Variants in ARHGAP20 observed in about 807,000 individuals in gnomAD.
ARHGAP20 encodes Rho GTPase activating protein 20.
A neutral mutation model predicts 73.7 loss-of-function variants in ARHGAP20; 34 were observed. That is an observed-to-expected ratio of 0.46 (90% confidence interval 0.35 to 0.61). The LOEUF is 0.61. Ranked by LOEUF, ARHGAP20 falls within the 20% of genes least tolerant of loss-of-function variation. The pLI, the probability that ARHGAP20 is intolerant of heterozygous loss-of-function variation, is 0.00. For synonymous variants in ARHGAP20, 523 were observed against 518.2 expected, an observed-to-expected ratio of 1.01 and a Z score of -0.13; for missense variants, 1,314 against 1,420.9, an observed-to-expected ratio of 0.92 and a Z score of 1.21.
At chr11:110,693,242 A>C (rs761151094) in intron 1 of ARHGAP20, among the ~76,000 whole-genome samples, 2 of 151,910 alleles carry the variant, frequency 1.3e-5, no homozygotes, top group Non-Finnish European at 2.9e-5. Context: ...AAGAGAATGC[A>C]ATCAAACTAC....
intron 1 of ARHGAP20, among the ~76,000 whole-genome samples, chr11:110,695,561 A>C (rs1160416197): frequency 1.3e-5 from 2 of 151,828 alleles, no homozygotes; most frequent in East Asian, 3.9e-4. Context: ...ACGAATTGCC[A>C]ATAAGGATAT....
At chr11:110,629,864 T>C (rs1299438971) in intron 3 of ARHGAP20, among the ~76,000 whole-genome samples, 1 of 152,204 alleles carries the variant, frequency 6.6e-6, no homozygotes. Context: ...AGGGCTCTCG[T>C]GAAGGCTTGT....
chr11:110,630,860 T>G (rs747685644), intron 2 of ARHGAP20, 68 bp from the exon 3 acceptor site: 11 of 1,523,598 alleles, frequency 7.2e-6, no homozygotes, highest in Middle Eastern at 1.7e-4. Context: ...ACTACAAAAT[T>G]CTGTAATTTT....
intron 7 of ARHGAP20, among the ~76,000 whole-genome samples, chr11:110,610,889 A>G (rs1434594311): frequency 6.6e-6 from 1 of 152,120 alleles, no homozygotes; most frequent in Admixed American, 6.5e-5. Flanking sequence ...AATTCTTCAG[A>G]ATTCATCATC....
intron 2 of ARHGAP20, among the ~76,000 whole-genome samples, chr11:110,647,496 T>G (rs988891857): frequency 6.6e-6 from 1 of 152,232 alleles, no homozygotes; most frequent in Non-Finnish European, 1.5e-5. Context: ...CTGAGCATTA[T>G]GAAGGTCTCC....
chr11:110,637,182 A>C (rs952517204), intron 2 of ARHGAP20, among the ~76,000 whole-genome samples: 6 of 152,126 alleles, frequency 3.9e-5, no homozygotes, highest in Non-Finnish European at 7.4e-5. Flanking sequence ...AAATGAGTCC[A>C]CTTTCAGGTA....
intron 2 of ARHGAP20, among the ~76,000 whole-genome samples, chr11:110,653,447 T>A (rs1034571364): frequency 2.6e-5 from 4 of 152,140 alleles, no homozygotes; most frequent in African/African-American, 9.7e-5. Flanking sequence ...AAGACATTTA[T>A]GTGGCTAACA....
At position 110,648,174 on chromosome 11, in the gene ARHGAP20, T is replaced by TATATATATATATGTAA. The variant is rs1565457268; in HGVS notation, c.189-17383_189-17382insTTACATATATATATAT. 7.4e-4 allele frequency among the ~76,000 whole-genome samples: 40 copies of TATATATATATATGTAA among 53,790 alleles called. 1 individual carries two copies. Among genetic ancestry groups the TATATATATATATGTAA allele is most frequent in the South Asian group, 3.8e-3 (4 of 1,050 alleles). 35.3% of individuals were successfully genotyped at this position (53,790 alleles called of 152,430 possible). The stretch of plus-strand genomic sequence containing the variant: ...TATATAATATATATATATATGTAAA[T>TATATATATATATGTAA]ATATATATATATATGTAAATATATA... On this transcript the variant is annotated intron_variant, in intron 2 of 14. Transcript: ENST00000683387.
Position 110,712,347 on chromosome 11 carries a change from A to C in ARHGAP20, c.-116T>G, listed in dbSNP as rs913124649. 5.7e-5 allele frequency: 47 copies of C among 829,128 alleles called. No individual in the cohort carries two copies. The highest frequency in any genetic ancestry group is 1.8e-5 in the Non-Finnish European group (11 of 613,376). The allele number at this position is 829,128 out of a possible 1,614,324, so 51.4% of individuals were successfully genotyped here. A position where few individuals can be genotyped will look rare whatever the true frequency, so the allele number is the denominator to read the frequency against. The stretch of plus-strand genomic sequence containing the variant: ...GGAGGCGCGGCTGCCGTGCTCAGGC[A>C]GGGAGCCGAGCTCCGGGTGCTCGCC... On this transcript the variant is annotated 5_prime_UTR_variant, in exon 1 of 15. Coordinates refer to ENST00000683387, the MANE Select transcript of ARHGAP20 (RefSeq NM_001384657.1).
At chr11:110,648,223 A>ATATATATATGTAAATATATATATG (rs1949259590) in intron 2 of ARHGAP20, among the ~76,000 whole-genome samples, 4 of 38,492 alleles carry the variant, frequency 1.0e-4, no homozygotes, top group East Asian at 2.1e-3. Flanking sequence ...ATATATATGT[A>ATATATATATGTAAATATATATATG]TATATATATA....
At chr11:110,652,102 G>A (rs989432140) in intron 2 of ARHGAP20, among the ~76,000 whole-genome samples, 5 of 150,206 alleles carry the variant, frequency 3.3e-5, no homozygotes, top group African/African-American at 1.2e-4. Flanking sequence ...ATTGATAAAT[G>A]TAATTCATCA....
At chr11:110,676,880 T>C (rs1479656896) in intron 2 of ARHGAP20, among the ~76,000 whole-genome samples, 1 of 152,146 alleles carries the variant, frequency 6.6e-6, no homozygotes, top group Non-Finnish European at 1.5e-5. Flanking sequence ...TATTTTGATA[T>C]ATGTATACAA....
At position 110,578,023 on chromosome 11, in the gene ARHGAP20, G is replaced by C. The variant is rs558981934; in HGVS notation, c.*1347C>G. The C allele has an allele frequency of 1.6e-5, 16 of 985,388 alleles. No individual in the cohort carries two copies. In the South Asian group the frequency reaches 7.0e-4, roughly 43 times the overall value. 61.0% of individuals were successfully genotyped at this position (985,388 alleles called of 1,614,324 possible). A position where few individuals can be genotyped will look rare whatever the true frequency, so the allele number is the denominator to read the frequency against. On this transcript the variant is annotated 3_prime_UTR_variant, in exon 15 of 15. Coordinates refer to ENST00000683387, the MANE Select transcript of ARHGAP20 (RefSeq NM_001384657.1). ...GCTCAGAGCAACTTCTTATAGGTTA[G>C]TAGTTAATGTGAAAGAAGATGCACA...
At chr11:110,671,202 A>T (rs1263602766) in intron 2 of ARHGAP20, among the ~76,000 whole-genome samples, 2 of 151,982 alleles carry the variant, frequency 1.3e-5, no homozygotes, top group Non-Finnish European at 2.9e-5. Flanking sequence ...AAATCAGTGG[A>T]ATCAACCACA....
chr11:110,628,221 G>C (rs922430098), intron 3 of ARHGAP20, among the ~76,000 whole-genome samples: 2 of 152,046 alleles, frequency 1.3e-5, no homozygotes, highest in African/African-American at 4.8e-5. Flanking sequence ...GGAACCTAAG[G>C]TCCCCTCCTT....
At chr11:110,702,397 G>C (rs1055890290) in intron 1 of ARHGAP20, among the ~76,000 whole-genome samples, 1 of 152,062 alleles carries the variant, frequency 6.6e-6, no homozygotes, top group Non-Finnish European at 1.5e-5. Flanking sequence ...AAAATAATAA[G>C]AGCTATCTAT....
intron 2 of ARHGAP20, among the ~76,000 whole-genome samples, chr11:110,660,350 T>C (rs1949581629): frequency 6.6e-6 from 1 of 152,110 alleles, no homozygotes; most frequent in Non-Finnish European, 1.5e-5. Context: ...AAGAGACCAG[T>C]CACTGGCCTA....
At chr11:110,648,172 A>AATATATATATATATATATGTAAAT (rs201393164) in intron 2 of ARHGAP20, among the ~76,000 whole-genome samples, 4 of 91,548 alleles carry the variant, frequency 4.4e-5, no homozygotes, top group East Asian at 3.1e-4. Flanking sequence ...TATATATGTA[A>AATATATATATATATATATGTAAAT]ATATATATAT....
chr11:110,588,678 ACT>A (rs1275058048), intron 11 of ARHGAP20, among the ~76,000 whole-genome samples: 1 of 152,106 alleles, frequency 6.6e-6, no homozygotes, highest in Non-Finnish European at 1.5e-5. Context: ...ACATAATTTA[ACT>A]CTTCTAGAAC....
Sources: allele counts gnomAD v4.1 joint callset (sites outside exome capture counted in the v4.1 genomes callset), GRCh38; gene constraint gnomAD v4.1.1; transcripts MANE v1.5; gene names NCBI Gene and HGNC (gene_info 2026-07-23, HGNC 2026-07-21).